Variants in AP3B1 observed in about 807,000 individuals in gnomAD.
AP3B1 encodes adaptor related protein complex 3 subunit beta 1.
A neutral mutation model predicts 132.5 loss-of-function variants in AP3B1; 61 were observed. That is an observed-to-expected ratio of 0.46 (90% CI 0.37 to 0.57). The LOEUF (loss-of-function observed/expected upper bound fraction) is 0.57, where lower values mean the gene tolerates loss of function less well. Among genes scored for constraint, AP3B1 ranks in the 20% least tolerant of loss-of-function variants. The pLI is 0.00. For missense variants in AP3B1, 1,120 were observed against 1,289.4 expected (o/e 0.87, Z 2.01); for synonymous variants, 388 against 438.3 (o/e 0.89, Z 1.43).
At chr5:78,021,375 T>G (rs1172143839) in intron 24 of AP3B1, among the ~76,000 whole-genome samples, 1 of 152,162 alleles carries the variant, frequency 6.6e-6, no homozygotes. Context: ...GTAAAAGTTA[T>G]TATTTCAAAT....
intron 6 of AP3B1, among the ~76,000 whole-genome samples, chr5:78,221,954 TA>T (rs1746195594): frequency 6.6e-6 from 1 of 152,170 alleles, no homozygotes; most frequent in South Asian, 2.1e-4. Flanking sequence ...AAACACAATG[TA>T]AGCATTTCCT....
At chr5:78,273,578 A>G (rs903891103) in intron 1 of AP3B1, among the ~76,000 whole-genome samples, 11 of 152,150 alleles carry the variant, frequency 7.2e-5, no homozygotes, top group African/African-American at 2.7e-4. Context: ...AAAATTACAG[A>G]GGAGGGAACC....
intron 1 of AP3B1, among the ~76,000 whole-genome samples, chr5:78,280,830 A>C (rs1313766896): frequency 2.6e-5 from 4 of 152,232 alleles, no homozygotes; most frequent in Non-Finnish European, 5.9e-5. Context: ...TCAATAAAAA[A>C]ATTAGTTTTT....
chr5:78,081,544 G>T (rs1016697371), intron 22 of AP3B1, among the ~76,000 whole-genome samples: 2 of 151,886 alleles, frequency 1.3e-5, no homozygotes, highest in Non-Finnish European at 2.9e-5. Flanking sequence ...TGATCCGCCC[G>T]CCTCGGCCTT....
At chr5:78,151,308 T>C (rs948649245) in intron 14 of AP3B1, among the ~76,000 whole-genome samples, 9 of 152,240 alleles carry the variant, frequency 5.9e-5, no homozygotes, top group Non-Finnish European at 1.3e-4. Flanking sequence ...TAATATCATC[T>C]GCAAACAAGG....
chr5:78,224,098 A>C (rs549146678), intron 6 of AP3B1, among the ~76,000 whole-genome samples: 24 of 152,168 alleles, frequency 1.6e-4, no homozygotes, highest in Non-Finnish European at 2.2e-4. Flanking sequence ...AATCAAGTTA[A>C]CCATAATATT....
chr5:78,182,121 A>G (rs918808763), intron 7 of AP3B1, among the ~76,000 whole-genome samples: 1 of 152,222 alleles, frequency 6.6e-6, no homozygotes, highest in African/African-American at 2.4e-5. Flanking sequence ...CGAAAAAACT[A>G]GTGTTGTTAA....
At chr5:78,268,548 T>C (rs1284747744) in intron 1 of AP3B1, among the ~76,000 whole-genome samples, 5 of 152,162 alleles carry the variant, frequency 3.3e-5, no homozygotes, top group Non-Finnish European at 7.3e-5. Context: ...ACCAGTTTTA[T>C]CTGGAGAGAG....
At position 78,116,149 on chromosome 5, in the gene AP3B1, G is replaced by A; in HGVS notation, c.2054C>T (p.Ser685Phe). ...ACCACTGTCACTGCTACTATCAGAA[G>A]AGTCCTCCTCTTCCTCAGATTCAGA... The part of the protein sequence containing the change: ...FYSESEEEED[S>F]SDSSSDSESE... The change falls in exon 18 of 27, where the codon TCT becomes TTT. Residue 685 changes from serine (S) to phenylalanine (F), a missense_variant. Around this residue, in one of 3 missense-constraint regions of AP3B1, gnomAD observed 906 missense variants for 997.1 expected, o/e 0.91. Transcript: ENST00000255194. 6.2e-7 allele frequency: 1 copy of A among 1,613,186 alleles called. No homozygotes were observed. The highest frequency in any genetic ancestry group is 8.5e-7 in the Non-Finnish European group (1 of 1,179,222).
intron 14 of AP3B1, among the ~76,000 whole-genome samples, chr5:78,143,988 G>GTCC (rs1753271292): frequency 6.6e-6 from 1 of 152,026 alleles, no homozygotes; most frequent in South Asian, 2.1e-4. Flanking sequence ...CTGGGTGACA[G>GTCC]AGCGAGACTC....
intron 3 of AP3B1, among the ~76,000 whole-genome samples, chr5:78,240,456 A>C (rs1266614565): frequency 6.6e-6 from 1 of 152,180 alleles, no homozygotes; most frequent in African/African-American, 2.4e-5. Flanking sequence ...AAACTTGGGA[A>C]ATATTCTTGG....
At chr5:78,184,180 A>T (rs996081752) in intron 7 of AP3B1, among the ~76,000 whole-genome samples, 3 of 151,890 alleles carry the variant, frequency 2.0e-5, no homozygotes, top group African/African-American at 7.3e-5. Context: ...AAAAAAAAAA[A>T]ATTATAAAGT....
intron 7 of AP3B1, among the ~76,000 whole-genome samples, chr5:78,199,930 T>A (rs911677432): frequency 2.0e-5 from 3 of 152,112 alleles, no homozygotes; most frequent in Non-Finnish European, 4.4e-5. Context: ...ATTTCCAAAA[T>A]ATTCTTGTAT....
At position 78,116,335 on chromosome 5, in the gene AP3B1, C is replaced by T. The variant is rs1044636739; in HGVS notation, c.1969-101G>A. ...CAACATAACTGAATTCAAAAGCAAGCTTAAGGCCTCCACAGGGAATGCAAC... is the reference window on the plus strand; with the variant it reads ...CAACATAACTGAATTCAAAAGCAAGTTTAAGGCCTCCACAGGGAATGCAAC... On this transcript the variant is annotated intron_variant, in intron 17 of 26. Coordinates refer to ENST00000255194, the MANE Select transcript of AP3B1 (RefSeq NM_003664.5). 17 of 999,048 alleles carry T rather than the reference C, an allele frequency of 1.7e-5. No homozygotes were observed. The Admixed American group carries it at 3.2e-4, about 19-fold the overall frequency. The allele number at this position is 999,048 out of a possible 1,614,324, so 61.9% of individuals were successfully genotyped here. A position where few individuals can be genotyped will look rare whatever the true frequency, so the allele number is the denominator to read the frequency against.
rs184464231 is a variant in AP3B1, at chr5:78,171,608, A to C, written c.1167+4018T>G. ...GTTTTTATCCTGAGACACTTTGCTG[A>C]AGTTGTTTATCAACTTAAGGAGATT... On this transcript the variant is annotated intron_variant, in intron 11 of 26. Transcript: ENST00000255194. Among the ~76,000 whole-genome samples, 3 of 152,322 alleles carry C rather than the reference A, an allele frequency of 2.0e-5. No individual in the cohort carries two copies. The East Asian group carries it at 5.8e-4, about 29-fold the overall frequency.
chr5:78,281,985 A>AG (rs1359614111), intron 1 of AP3B1, among the ~76,000 whole-genome samples: 1 of 152,208 alleles, frequency 6.6e-6, no homozygotes, highest in Non-Finnish European at 1.5e-5. Context: ...CTACTCTAAA[A>AG]GAAAAAAAAG....
chr5:78,256,210 A>G (rs556679253), intron 2 of AP3B1, among the ~76,000 whole-genome samples: 1 of 152,152 alleles, frequency 6.6e-6, no homozygotes, highest in Admixed American at 6.5e-5. Flanking sequence ...ATGAAAAAAT[A>G]CAAAAGATCA....
intron 22 of AP3B1, among the ~76,000 whole-genome samples, chr5:78,055,044 CACACACACACA>C (rs1748749399): frequency 6.6e-6 from 1 of 151,766 alleles, no homozygotes; most frequent in Admixed American, 6.6e-5. Flanking sequence ...CACACACACA[CACACACACACA>C]CACTTACTTA....
At chr5:78,255,781 C>A (rs1161571914) in intron 2 of AP3B1, among the ~76,000 whole-genome samples, 1 of 152,072 alleles carries the variant, frequency 6.6e-6, no homozygotes, top group Non-Finnish European at 1.5e-5. Flanking sequence ...CCAAGAGCTG[C>A]AAAATATACA....
Sources: allele counts gnomAD v4.1 joint callset (sites outside exome capture counted in the v4.1 genomes callset), GRCh38; gene constraint gnomAD v4.1.1; regional missense constraint gnomAD v4.1.1; transcripts MANE v1.5; gene names NCBI Gene and HGNC (gene_info 2026-07-23, HGNC 2026-07-21).